The following KIF13A variants were observed in gnomAD, a reference collection of about 807,000 sequenced individuals.
The protein encoded by KIF13A is kinesin family member 13A.
In KIF13A, 79 loss-of-function variants were observed where a neutral mutation model predicts 212.2. The observed-to-expected ratio is 0.37, with a 90% confidence interval of 0.31 to 0.45. KIF13A has a LOEUF of 0.45. Ranked by LOEUF, KIF13A falls within the 20% of genes least tolerant of loss-of-function variation. The probability of loss-of-function intolerance (pLI) is 1.00; values close to 1 mark genes in which losing one functional copy is unlikely to be tolerated. For missense variants in KIF13A, 1,901 were observed against 2,209.0 expected, an observed-to-expected ratio of 0.86 and a Z score of 2.79; for synonymous variants, 789 against 808.6, an observed-to-expected ratio of 0.98 and a Z score of 0.41.
At chr6:17,906,082 A>G (rs1240510956) in intron 2 of KIF13A, among the ~76,000 whole-genome samples, 2 of 152,178 alleles carry the variant, frequency 1.3e-5, no homozygotes, top group Non-Finnish European at 2.9e-5. Flanking sequence ...AATTTCAAAA[A>G]CTTTAAGTTC....
chr6:17,762,716 C>G (rs952462447), downstream of KIF13A, among the ~76,000 whole-genome samples: 3 of 152,160 alleles, frequency 2.0e-5, no homozygotes, highest in Non-Finnish European at 4.4e-5. Flanking sequence ...AGTTGAAGAC[C>G]TAAACAAATG....
chr6:17,774,886 TTC>T (rs1280451823), intron 35 of KIF13A, 127 bp downstream of exon 35: 2 of 605,190 alleles, frequency 3.3e-6, no homozygotes, highest in Non-Finnish European at 5.7e-6. Context: ...CCAGAGATTT[TTC>T]TTTTTCTTTT....
intron 16 of KIF13A, among the ~76,000 whole-genome samples, chr6:17,821,599 G>A (rs1764457137): frequency 1.3e-5 from 2 of 151,216 alleles, no homozygotes; most frequent in African/African-American, 4.9e-5. Context: ...TGGGGGTGGG[G>A]TGTTCATAAT....
chr6:17,859,852 G>C (rs1768564377), intron 4 of KIF13A, among the ~76,000 whole-genome samples: 1 of 151,786 alleles, frequency 6.6e-6, no homozygotes. Context: ...GGCCAGGCTG[G>C]TCTCGAACTC....
intron 3 of KIF13A, among the ~76,000 whole-genome samples, chr6:17,884,041 T>C (rs186242833): frequency 5.9e-5 from 9 of 152,308 alleles, no homozygotes; most frequent in African/African-American, 2.2e-4. Flanking sequence ...ATTCTCTGCC[T>C]TTCCTCACCT....
chr6:17,863,604 T>A (rs1769063763), intron 4 of KIF13A, among the ~76,000 whole-genome samples: 1 of 152,038 alleles, frequency 6.6e-6, no homozygotes, highest in Non-Finnish European at 1.5e-5. Flanking sequence ...AAAGGCCAAA[T>A]TGTCAACCAA....
rs1423594928 is a variant in KIF13A, at chr6:17,769,157, GA to G, written c.4581+1956del. Among the ~76,000 whole-genome samples, 2 of 152,176 alleles carry G rather than the reference GA, an allele frequency of 1.3e-5. No homozygotes were observed. Among genetic ancestry groups the G allele is most frequent in the Non-Finnish European group, 2.9e-5 (2 of 68,022 alleles). ...AGAACGTGAATTAGTCACAAAGGAAGAAAACAGTCTGTACCCATTTATAAGA... is the reference window on the plus strand; with the variant it reads ...AGAACGTGAATTAGTCACAAAGGAAGAAACAGTCTGTACCCATTTATAAGA... On this transcript the variant is annotated intron_variant, in intron 38 of 38. Transcript: ENST00000259711. This position sits in a 1 kb window ranked among gnomAD's most constrained non-coding sequence, Gnocchi z 5.8.
chr6:17,874,310 T>C (rs1770302921), intron 3 of KIF13A, among the ~76,000 whole-genome samples: 1 of 150,948 alleles, frequency 6.6e-6, no homozygotes, highest in Non-Finnish European at 1.5e-5. Flanking sequence ...GGGGGGGTTC[T>C]TACTGTATTT....
chr6:17,925,484 T>C (rs1307605409), intron 2 of KIF13A, among the ~76,000 whole-genome samples: 1 of 152,206 alleles, frequency 6.6e-6, no homozygotes, highest in Admixed American at 6.5e-5. Context: ...CACTTCAAGC[T>C]AGGGACCTGT....
In KIF13A at chr6:17,764,428, T is replaced by C. The variant is rs748110739; in HGVS notation, c.5100A>G (p.Ser1700=). 6.2e-7 allele frequency: 1 copy of C among 1,613,932 alleles called. No homozygotes were observed. Among genetic ancestry groups the C allele is most frequent in the African/African-American group, 1.3e-5 (1 of 74,938 alleles). Residue 1700 remains serine (S), a synonymous_variant, in exon 39 of 39, where the codon TCA becomes TCG. Coordinates refer to ENST00000259711, the MANE Select transcript of KIF13A (RefSeq NM_022113.6). This position sits in a 1 kb window ranked among gnomAD's most constrained non-coding sequence, Gnocchi z 5.1. The stretch of plus-strand genomic sequence containing the variant: ...TTTTGCTGGGGCAGGCATCTAGTTC[T>C]GAACATGAGCCAGTCCTGCACAGTG... ...SKSLCRTGSC[S]ELDACPSKIS...
intron 2 of KIF13A, among the ~76,000 whole-genome samples, chr6:17,952,145 T>C (rs1415032560): frequency 4.6e-5 from 7 of 151,298 alleles, no homozygotes; most frequent in Non-Finnish European, 1.5e-5. Flanking sequence ...CTACTAAAAA[T>C]ACAAAAAAAT....
intron 11 of KIF13A, 129 bp downstream of exon 11, chr6:17,836,749 T>G: frequency 9.3e-5 from 77 of 824,938 alleles, no homozygotes; most frequent in Non-Finnish European, 1.3e-4. Flanking sequence ...CAATTCAACA[T>G]GAGATTTGGG....
intron 4 of KIF13A, among the ~76,000 whole-genome samples, chr6:17,858,107 GTGTGTGCA>G (rs1375769814): frequency 2.9e-5 from 4 of 137,534 alleles, no homozygotes; most frequent in Non-Finnish European, 6.6e-5. Context: ...GTGTGTGTGT[GTGTGTGCA>G]TGCACGCATG....
chr6:17,800,168 C>T (rs984892161), intron 20 of KIF13A, 55 bp from the exon 21 acceptor site: 54 of 1,542,960 alleles, frequency 3.5e-5, no homozygotes, highest in Non-Finnish European at 4.4e-5. Context: ...TGGGCAACCT[C>T]GACCCAAGAC....
At chr6:17,945,753 C>G (rs966526075) in intron 2 of KIF13A, among the ~76,000 whole-genome samples, 2 of 152,076 alleles carry the variant, frequency 1.3e-5, no homozygotes, top group African/African-American at 4.8e-5. Context: ...AATGACCAAG[C>G]CACCCCTATA....
intron 4 of KIF13A, among the ~76,000 whole-genome samples, chr6:17,862,156 T>C (rs951604271): frequency 9.9e-5 from 15 of 152,156 alleles, no homozygotes; most frequent in Admixed American, 9.2e-4. Flanking sequence ...ACTGGGATTA[T>C]AGATGTGCAC....
chr6:17,869,019 A>ACAAAAAAAAAAAAAAAAC (rs1448767018), intron 4 of KIF13A, among the ~76,000 whole-genome samples: 3 of 126,514 alleles, frequency 2.4e-5, no homozygotes, highest in Admixed American at 8.3e-5. Flanking sequence ...AAAAAAAAAA[A>ACAAAAAAAAAAAAAAAAC]ACACAAATAA....
intron 3 of KIF13A, among the ~76,000 whole-genome samples, chr6:17,877,084 AG>A (rs1581609533): frequency 7.2e-6 from 1 of 139,660 alleles, no homozygotes; most frequent in African/African-American, 2.7e-5. Context: ...GCAGGGAAAC[AG>A]GCATTTTTTT....
rs1264453076 is a variant in KIF13A, at chr6:17,838,610, A to G, written c.831-1027T>C. Among the ~76,000 whole-genome samples the G allele has an allele frequency of 6.6e-6, 1 of 152,220 alleles. No individual in the cohort carries two copies. Among genetic ancestry groups the G allele is most frequent in the Non-Finnish European group, 1.5e-5 (1 of 68,046 alleles). ...TTACCACAGAGTGGCATAAATATGT[A>G]CATCATCTTAAGTGAAACAAGTCAA... On this transcript the variant is annotated intron_variant, in intron 9 of 38. Transcript: ENST00000259711. This position sits in a 1 kb window ranked among gnomAD's most constrained non-coding sequence, Gnocchi z 4.2.
Sources: gnomAD v4.1 joint callset for allele counts (sites outside exome capture counted in the v4.1 genomes callset) on GRCh38, gnomAD v4.1.1 for gene constraint, Gnocchi (gnomAD v3.1) non-coding constraint, MANE v1.5 for transcripts, NCBI Gene and HGNC (gene_info 2026-07-23, HGNC 2026-07-21) for gene names.